GABRA2: variants seen among roughly 807,000 people sequenced by gnomAD.
The protein encoded by GABRA2 is gamma-aminobutyric acid receptor subunit alpha-2.
GABRA2 carries 16 observed loss-of-function variants against 48.7 expected under a neutral mutation model. The observed-to-expected ratio is 0.33, with a 90% CI of 0.22 to 0.50. The LOEUF (loss-of-function observed/expected upper bound fraction) is 0.50, where lower values mean the gene tolerates loss of function less well. Ranked by LOEUF, GABRA2 falls within the 20% of genes least tolerant of loss-of-function variation. The pLI is 0.98. For missense variants in GABRA2, 275 were observed against 535.6 expected (o/e 0.51, Z 4.80); for synonymous variants, 185 against 184.5 (o/e 1.00, Z -0.02).
rs565410894 is a variant in GABRA2 at position 46,294,782 on chromosome 4, G to A, written c.856+8678C>T. On this transcript the variant is annotated intron_variant, in intron 8 of 9. Coordinates refer to ENST00000381620, the MANE Select transcript of GABRA2 (RefSeq NM_000807.4). ...AGAGACAGCTCTTGGCCCATTACTG[G>A]GCTTTGGTAGAACATGAACATTCGA... 2.6e-5 allele frequency among the ~76,000 whole-genome samples: 4 copies of A among 152,226 alleles called. No homozygotes were observed. The South Asian group carries it at 8.3e-4, about 32-fold the overall frequency.
Position 46,267,737 on chromosome 4 carries a change from G to A in GABRA2, c.857-5609C>T, listed in dbSNP as rs115302128. On this transcript the variant is annotated intron_variant, in intron 8 of 9. Coordinates refer to ENST00000381620, the MANE Select transcript of GABRA2 (RefSeq NM_000807.4). ...TTAATAGCTTAGGGGGTCATCTAAT[G>A]AATGGACAGAATATGTAATCATTAG... Among the ~76,000 whole-genome samples the A allele has an allele frequency of 3.0e-3, 457 of 152,116 alleles. 2 individuals carry two copies. The highest frequency in any genetic ancestry group is 0.011 in the African/African-American group (437 of 41,544).
At chr4:46,262,227 C>T in intron 8 of GABRA2, 99 bp from the exon 9 acceptor site, 1 of 748,870 alleles carries the variant, frequency 1.3e-6, no homozygotes. Flanking sequence ...AAAGCTTTTA[C>T]TACTCTTATC....
intron 2 of GABRA2, among the ~76,000 whole-genome samples, chr4:46,388,016 A>G (rs1454052016): frequency 6.6e-6 from 1 of 152,162 alleles, no homozygotes; most frequent in Non-Finnish European, 1.5e-5. Context: ...TAGGCAAAAG[A>G]AAATTCATTA....
intron 8 of GABRA2, among the ~76,000 whole-genome samples, chr4:46,292,372 G>C (rs1723837558): frequency 6.6e-6 from 1 of 152,172 alleles, no homozygotes; most frequent in Non-Finnish European, 1.5e-5. Flanking sequence ...TGCAACGAAA[G>C]GTGCATGTGC....
intron 8 of GABRA2, among the ~76,000 whole-genome samples, chr4:46,271,573 TAGAGAG>T (rs1719344046): frequency 6.6e-6 from 1 of 151,996 alleles, no homozygotes. Context: ...TTCTCTGTGT[TAGAGAG>T]AGAAATTAGA....
At chr4:46,277,079 C>T (rs73812833) in intron 8 of GABRA2, among the ~76,000 whole-genome samples, 7,966 of 151,984 alleles carry the variant, frequency 0.052, 649 homozygotes, top group African/African-American at 0.17. Flanking sequence ...GATAATAATT[C>T]GTGTGAATTA....
At position 46,312,478 on chromosome 4, in the gene GABRA2, T is replaced by A; in HGVS notation, c.476+18A>T. The A allele has an allele frequency of 1.9e-6, 3 of 1,549,098 alleles. No individual in the cohort carries two copies. The highest frequency in any genetic ancestry group is 2.7e-6 in the Non-Finnish European group (3 of 1,124,876). ...TTTCTCAGTATATAAATACATCACATCAAACCTAAAAACATACCTCATGGT... is the reference window on the plus strand; with the variant it reads ...TTTCTCAGTATATAAATACATCACAACAAACCTAAAAACATACCTCATGGT... On this transcript the variant is annotated intron_variant, in intron 5 of 9. Transcript: ENST00000381620.
At chr4:46,290,212 C>A (rs1284213791) in intron 8 of GABRA2, among the ~76,000 whole-genome samples, 1 of 151,728 alleles carries the variant, frequency 6.6e-6, no homozygotes, top group East Asian at 1.9e-4. Context: ...CCTGAGTATA[C>A]CAGTTTTGTC....
At chr4:46,300,127 T>C (rs1190759848) in intron 8 of GABRA2, among the ~76,000 whole-genome samples, 1 of 151,962 alleles carries the variant, frequency 6.6e-6, no homozygotes, top group Non-Finnish European at 1.5e-5. Flanking sequence ...AAATTTATTA[T>C]ATGCTCAGCT....
At chr4:46,353,819 T>A (rs1422584753) in intron 3 of GABRA2, among the ~76,000 whole-genome samples, 3 of 152,134 alleles carry the variant, frequency 2.0e-5, no homozygotes, top group Non-Finnish European at 4.4e-5. Context: ...CTCTTATTTA[T>A]TTTTATTTTC....
chr4:46,278,926 T>C (rs1420183909), intron 8 of GABRA2, among the ~76,000 whole-genome samples: 1 of 151,912 alleles, frequency 6.6e-6, no homozygotes, highest in Non-Finnish European at 1.5e-5. Flanking sequence ...TCAATAAAGG[T>C]ATGAAGGAGG....
intron 8 of GABRA2, among the ~76,000 whole-genome samples, chr4:46,293,864 T>C (rs566705559): frequency 6.6e-6 from 1 of 152,342 alleles, no homozygotes; most frequent in South Asian, 2.1e-4. Flanking sequence ...ATTTGGCCTG[T>C]GCAGAAGACA....
chr4:46,378,883 C>T (rs187075757), intron 3 of GABRA2, among the ~76,000 whole-genome samples: 1 of 152,064 alleles, frequency 6.6e-6, no homozygotes, highest in African/African-American at 2.4e-5. Context: ...CTGACATCAC[C>T]TTGAATTTTG....
chr4:46,253,805 T>C (rs1270832260), intron 9 of GABRA2, among the ~76,000 whole-genome samples: 3 of 151,450 alleles, frequency 2.0e-5, no homozygotes, highest in Admixed American at 1.3e-4. Context: ...ATCTTCTCAA[T>C]TCCTAGTCTC....
chr4:46,370,524 T>C (rs977387901), intron 3 of GABRA2, among the ~76,000 whole-genome samples: 1 of 152,104 alleles, frequency 6.6e-6, no homozygotes, highest in Non-Finnish European at 1.5e-5. Context: ...TCACATGCCA[T>C]GTATAAAGAA....
At chr4:46,337,900 A>C (rs1033157882) in intron 3 of GABRA2, among the ~76,000 whole-genome samples, 2 of 152,050 alleles carry the variant, frequency 1.3e-5, no homozygotes, top group African/African-American at 2.4e-5. Context: ...GCTTGTCAAA[A>C]AAGATTTTGA....
At chr4:46,369,636 A>G (rs535487719) in intron 3 of GABRA2, among the ~76,000 whole-genome samples, 58 of 152,256 alleles carry the variant, frequency 3.8e-4, no homozygotes, top group Non-Finnish European at 6.2e-4. Flanking sequence ...GGCACAGTTC[A>G]TCATTTGTCT....
intron 3 of GABRA2, among the ~76,000 whole-genome samples, chr4:46,385,709 A>G (rs1717354917): frequency 6.6e-6 from 1 of 152,086 alleles, no homozygotes; most frequent in Admixed American, 6.5e-5. Context: ...GCTGACATGA[A>G]AATATGATCA....
At chr4:46,372,519 C>A (rs1715056775) in intron 3 of GABRA2, among the ~76,000 whole-genome samples, 1 of 152,062 alleles carries the variant, frequency 6.6e-6, no homozygotes, top group African/African-American at 2.4e-5. Context: ...GTTCTTTAAG[C>A]CACCTTTTTA....
Sources: allele counts gnomAD v4.1 joint callset (sites outside exome capture counted in the v4.1 genomes callset), GRCh38; gene constraint gnomAD v4.1.1; transcripts MANE v1.5; gene names NCBI Gene and HGNC (gene_info 2026-07-23, HGNC 2026-07-21).